ADGRV1: variants seen among roughly 807,000 people sequenced by gnomAD.
ADGRV1 encodes adhesion G protein-coupled receptor V1.
In ADGRV1, 359 loss-of-function variants were observed where a neutral mutation model predicts 596.2. That is an observed-to-expected ratio of 0.60 (90% CI 0.55 to 0.66). ADGRV1 has a LOEUF of 0.66. Among genes scored for constraint, ADGRV1 ranks in the 30% least tolerant of loss-of-function variants. The pLI is 0.00. For synonymous variants in ADGRV1, 2,681 were observed against 2,679.2 expected (o/e 1.00, Z -0.02); for missense variants, 7,274 against 7,575.6 (o/e 0.96, Z 1.48).
At chr5:90,847,138 A>G (rs552462847) in intron 78 of ADGRV1, among the ~76,000 whole-genome samples, 158 of 152,300 alleles carry the variant, frequency 1.0e-3, no homozygotes, top group African/African-American at 3.4e-3. Context: ...CAGAGTGCCA[A>G]TTGGTGCATT....
At chr5:90,932,557 ATG>A (rs754222203) in intron 83 of ADGRV1, among the ~76,000 whole-genome samples, 18 of 152,224 alleles carry the variant, frequency 1.2e-4, no homozygotes, top group Non-Finnish European at 2.5e-4. Context: ...GAAAAACACA[ATG>A]TGTTTGATAT....
chr5:90,728,480 C>T (rs1373084404), intron 48 of ADGRV1, among the ~76,000 whole-genome samples, 189 bp from the exon 49 acceptor site: 2 of 152,122 alleles, frequency 1.3e-5, no homozygotes, highest in Non-Finnish European at 1.5e-5. Context: ...CATATATGTG[C>T]ACACTCACAC....
intron 89 of ADGRV1, among the ~76,000 whole-genome samples, chr5:91,162,126 A>G (rs1797001194): frequency 6.6e-6 from 1 of 152,242 alleles, no homozygotes; most frequent in African/African-American, 2.4e-5. Flanking sequence ...CCAGAGGAAC[A>G]GAACAGGAGA....
chr5:90,961,554 G>A (rs953839806), intron 83 of ADGRV1, among the ~76,000 whole-genome samples: 4 of 116,394 alleles, frequency 3.4e-5, no homozygotes, highest in Non-Finnish European at 6.6e-5. Context: ...GGAAAGGAGT[G>A]AGAGTATCCG....
At chr5:90,811,457 G>A (rs1762434011) in intron 74 of ADGRV1, 119 bp downstream of exon 74, 1 of 942,520 alleles carries the variant, frequency 1.1e-6, no homozygotes, top group South Asian at 1.9e-5. Flanking sequence ...TCATAGGAAT[G>A]CATTAAAGTG....
chr5:90,825,260 T>C (rs1006194264), intron 76 of ADGRV1, among the ~76,000 whole-genome samples: 4 of 152,172 alleles, frequency 2.6e-5, no homozygotes, highest in Non-Finnish European at 1.5e-5. Flanking sequence ...ACTATAGCTT[T>C]CCGTTAATCA....
chr5:90,955,178 G>C (rs138964418), intron 83 of ADGRV1, among the ~76,000 whole-genome samples: 11 of 152,200 alleles, frequency 7.2e-5, no homozygotes, highest in Middle Eastern at 6.8e-3. Context: ...CCATCCTCTA[G>C]AACCATGATA....
At chr5:90,656,476 G>A (rs1347981167) in intron 20 of ADGRV1, among the ~76,000 whole-genome samples, 1 of 152,220 alleles carries the variant, frequency 6.6e-6, no homozygotes, top group African/African-American at 2.4e-5. Flanking sequence ...TGAGAACCAT[G>A]ATGTGGTTTT....
Position 90,750,714 on chromosome 5 carries a change from G to C in ADGRV1, c.11121+17G>C, listed in dbSNP as rs777037129. 8.8e-6 allele frequency: 14 copies of C among 1,599,654 alleles called. No individual in the cohort carries two copies. In the South Asian group the frequency reaches 1.4e-4, roughly 16 times the overall value. On this transcript the variant is annotated intron_variant, in intron 53 of 89. Transcript: ENST00000405460. ...TCAGGAGTGGTATGTAATTTACAAA[G>C]TTATAGGAAACACTTTTAAATTATG... is the stretch of plus-strand genomic sequence containing the variant.
intron 61 of ADGRV1, among the ~76,000 whole-genome samples, chr5:90,776,832 T>C (rs886506201): frequency 2.1e-4 from 32 of 152,260 alleles, no homozygotes; most frequent in African/African-American, 7.0e-4. Flanking sequence ...GGAAAGCACA[T>C]GGAGTTGAGA....
intron 83 of ADGRV1, among the ~76,000 whole-genome samples, chr5:90,906,523 A>T (rs772257131): frequency 2.6e-5 from 4 of 152,126 alleles, no homozygotes; most frequent in Non-Finnish European, 4.4e-5. Flanking sequence ...ATAGTTTCTC[A>T]TAGTAGTCTC....
At chr5:90,894,467 G>A (rs1771113221) in intron 83 of ADGRV1, among the ~76,000 whole-genome samples, 1 of 152,170 alleles carries the variant, frequency 6.6e-6, no homozygotes, top group African/African-American at 2.4e-5. Context: ...GTGAGTTGTG[G>A]GGATGGCCGG....
intron 85 of ADGRV1, among the ~76,000 whole-genome samples, chr5:91,018,475 C>T (rs1338374270): frequency 6.6e-6 from 1 of 151,954 alleles, no homozygotes; most frequent in South Asian, 2.1e-4. Flanking sequence ...ATTTATGTTA[C>T]ACAGTATCTT....
chr5:90,857,390 A>T (rs1166822930), intron 82 of ADGRV1, among the ~76,000 whole-genome samples: 2 of 144,892 alleles, frequency 1.4e-5, no homozygotes, highest in Non-Finnish European at 1.5e-5. Context: ...GACTGAATAT[A>T]AAAAAAAAAA....
chr5:90,590,112 GTTTTGTTGTA>G (rs1561339134), intron 1 of ADGRV1, among the ~76,000 whole-genome samples: 1 of 151,970 alleles, frequency 6.6e-6, no homozygotes, highest in Non-Finnish European at 1.5e-5. Context: ...AAAATGACAC[GTTTTGTTGTA>G]TTTCATTTGA....
At chr5:90,951,093 C>T (rs1777025692) in intron 83 of ADGRV1, among the ~76,000 whole-genome samples, 1 of 152,102 alleles carries the variant, frequency 6.6e-6, no homozygotes, top group Non-Finnish European at 1.5e-5. Flanking sequence ...TTGATAATGG[C>T]ATTTGCTCAT....
At chr5:90,696,570 T>C (rs1228319218) in intron 33 of ADGRV1, among the ~76,000 whole-genome samples, 2 of 152,126 alleles carry the variant, frequency 1.3e-5, no homozygotes, top group African/African-American at 4.8e-5. Flanking sequence ...TCCACTTTCC[T>C]AAAGGGAGTT....
At chr5:90,933,666 T>G (rs1775442630) in intron 83 of ADGRV1, among the ~76,000 whole-genome samples, 1 of 152,176 alleles carries the variant, frequency 6.6e-6, no homozygotes, top group African/African-American at 2.4e-5. Flanking sequence ...GATTTGGTAT[T>G]CAAAAACCCT....
At chr5:90,780,864 C>T (rs1007033456) in intron 64 of ADGRV1, among the ~76,000 whole-genome samples, 2 of 152,028 alleles carry the variant, frequency 1.3e-5, no homozygotes, top group Non-Finnish European at 2.9e-5. Context: ...TCATGTCTGG[C>T]TAATTTTTTA....
Sources: allele counts gnomAD v4.1 joint callset (sites outside exome capture counted in the v4.1 genomes callset), GRCh38; gene constraint gnomAD v4.1.1; transcripts MANE v1.5; gene names NCBI Gene and HGNC (gene_info 2026-07-23, HGNC 2026-07-21).